SPON1: variants seen among roughly 807,000 people sequenced by gnomAD.
SPON1 encodes the protein spondin 1, also known as spondin-1.
SPON1 carries 52 observed loss-of-function variants against 111.7 expected under a neutral mutation model. The ratio of observed to expected loss-of-function variants is 0.47; its 90% CI spans 0.37 to 0.59. The LOEUF (loss-of-function observed/expected upper bound fraction) is 0.59. SPON1 is among the 20% of genes least tolerant of loss of function. SPON1 has a pLI of 0.00. For missense variants in SPON1, 957 were observed against 1,068.5 expected, an observed-to-expected ratio of 0.90 and a Z score of 1.46; for synonymous variants, 410 against 395.8, an observed-to-expected ratio of 1.04 and a Z score of -0.43.
At chr11:14,054,296 G>C (rs1848728662) in intron 3 of SPON1, among the ~76,000 whole-genome samples, 2 of 152,118 alleles carry the variant, frequency 1.3e-5, no homozygotes, top group African/African-American at 4.8e-5. Context: ...TGACAGCTGT[G>C]GTGCACTTGT....
intron 2 of SPON1, among the ~76,000 whole-genome samples, chr11:14,032,863 C>G (rs575105968): frequency 6.6e-6 from 1 of 152,260 alleles, no homozygotes; most frequent in Admixed American, 6.5e-5. Flanking sequence ...CCTGACTCAA[C>G]AGTGCATATT....
At chr11:14,069,704 G>A (rs1165102921) in intron 3 of SPON1, among the ~76,000 whole-genome samples, 1 of 152,042 alleles carries the variant, frequency 6.6e-6, no homozygotes, top group African/African-American at 2.4e-5. Flanking sequence ...ATGTTTTTGA[G>A]TGAGTGATAA....
At chr11:14,142,442 C>T (rs1235669505) in intron 6 of SPON1, among the ~76,000 whole-genome samples, 2 of 152,204 alleles carry the variant, frequency 1.3e-5, no homozygotes, top group Non-Finnish European at 2.9e-5. Context: ...TTGACAGTGT[C>T]ATCTCCCAAT....
At chr11:14,212,222 C>T (rs1848584293) in intron 6 of SPON1, among the ~76,000 whole-genome samples, 1 of 151,964 alleles carries the variant, frequency 6.6e-6, no homozygotes, top group Non-Finnish European at 1.5e-5. Context: ...ATGCAGTCAG[C>T]ATAGCTTGGG....
chr11:14,130,300 T>C (rs1475070394), intron 5 of SPON1, among the ~76,000 whole-genome samples: 10 of 152,164 alleles, frequency 6.6e-5, no homozygotes, highest in Non-Finnish European at 1.0e-4. Flanking sequence ...AGAAATTAGA[T>C]GAAAAAGAAT....
chr11:13,963,215 G>T, intron 1 of SPON1, 73 bp downstream of exon 1: 2 of 1,213,332 alleles, frequency 1.6e-6, no homozygotes, highest in Non-Finnish European at 2.2e-6. Flanking sequence ...CGCGGTGCCG[G>T]AGGAGGGCGC....
chr11:14,079,779 A>T, intron 4 of SPON1, 120 bp from the exon 5 acceptor site: 2 of 1,053,978 alleles, frequency 1.9e-6, no homozygotes, highest in Non-Finnish European at 1.4e-6. Context: ...AGTCTTATTA[A>T]CTAATGAAAG....
intron 3 of SPON1, among the ~76,000 whole-genome samples, chr11:14,048,366 T>C (rs1322578528): frequency 6.6e-6 from 1 of 152,166 alleles, no homozygotes; most frequent in East Asian, 1.9e-4. Flanking sequence ...GTTGTGGTGT[T>C]TGAGTAATAT....
intron 6 of SPON1, among the ~76,000 whole-genome samples, chr11:14,184,518 T>C (rs1433623475): frequency 6.6e-6 from 1 of 152,190 alleles, no homozygotes; most frequent in Non-Finnish European, 1.5e-5. Flanking sequence ...TGTTTCTTCC[T>C]CTCAGAGGGC....
chr11:14,132,640 G>T (rs1280337163), intron 5 of SPON1, among the ~76,000 whole-genome samples: 1 of 152,184 alleles, frequency 6.6e-6, no homozygotes, highest in African/African-American at 2.4e-5. Flanking sequence ...TCCAGGGCCC[G>T]CCACTGTGCT....
intron 2 of SPON1, among the ~76,000 whole-genome samples, chr11:14,000,763 A>G (rs1848311298): frequency 6.6e-6 from 1 of 152,036 alleles, no homozygotes; most frequent in Non-Finnish European, 1.5e-5. Context: ...CCTCCAAAAC[A>G]GCTTGTACTT....
At chr11:14,240,817 T>C (rs1309580298) in intron 6 of SPON1, among the ~76,000 whole-genome samples, 2 of 152,214 alleles carry the variant, frequency 1.3e-5, no homozygotes, top group Admixed American at 6.5e-5. Context: ...CATCAGACAG[T>C]ATCTCATTAC....
At chr11:13,990,621 T>C (rs1848222026) in intron 2 of SPON1, among the ~76,000 whole-genome samples, 1 of 152,054 alleles carries the variant, frequency 6.6e-6, no homozygotes. Flanking sequence ...ATTATGATGC[T>C]AGCTGGTTGT....
intron 3 of SPON1, among the ~76,000 whole-genome samples, chr11:14,048,434 G>C (rs1554918085): frequency 6.6e-6 from 1 of 152,198 alleles, no homozygotes; most frequent in Non-Finnish European, 1.5e-5. Context: ...GTCTATAGAT[G>C]ACAGCTCTGA....
chr11:14,197,992 T>C (rs1554935259), intron 6 of SPON1, among the ~76,000 whole-genome samples: 1 of 152,188 alleles, frequency 6.6e-6, no homozygotes, highest in African/African-American at 2.4e-5. Flanking sequence ...TAAAAGTCCA[T>C]TGTTAGTAGC....
intron 14 of SPON1, chr11:14,262,410 T>C: frequency 2.4e-6 from 1 of 415,180 alleles, no homozygotes; most frequent in East Asian, 4.7e-5. Flanking sequence ...GACAATATTC[T>C]AGTTCACAGA....
intron 6 of SPON1, among the ~76,000 whole-genome samples, chr11:14,160,457 ATATATATATATT>A (rs1564918906): frequency 0.013 from 102 of 7,670 alleles, 5 homozygotes; most frequent in Admixed American, 0.016. Flanking sequence ...ATATATATTT[ATATATATATATT>A]TATATATATA....
intron 2 of SPON1, among the ~76,000 whole-genome samples, chr11:14,004,154 GACACAC>G (rs150297092): frequency 6.6e-6 from 1 of 151,056 alleles, no homozygotes; most frequent in Non-Finnish European, 1.5e-5. Flanking sequence ...TACACACACA[GACACAC>G]ACACACACAT....
intron 3 of SPON1, among the ~76,000 whole-genome samples, chr11:14,061,056 C>T (rs1554919813): frequency 6.6e-6 from 1 of 152,218 alleles, no homozygotes; most frequent in African/African-American, 2.4e-5. Flanking sequence ...ATGCTAGGCA[C>T]TTTCTACACC....
Sources: allele counts gnomAD v4.1 joint callset (sites outside exome capture counted in the v4.1 genomes callset), GRCh38; gene constraint gnomAD v4.1.1; transcripts MANE v1.5; gene names NCBI Gene and HGNC (gene_info 2026-07-23, HGNC 2026-07-21).